TENM2: variants seen among roughly 807,000 people sequenced by gnomAD.
The protein encoded by TENM2 is teneurin-2.
In TENM2, 52 loss-of-function variants were observed where a neutral mutation model predicts 245.2. The observed-to-expected ratio is 0.21, with a 90% CI of 0.17 to 0.27. TENM2 has a LOEUF of 0.27. Among genes scored for constraint, TENM2 ranks in the 10% least tolerant of loss-of-function variants. TENM2 has a pLI of 1.00. For missense variants in TENM2, 3,046 were observed against 3,666.8 expected (o/e 0.83, Z 4.37); for synonymous variants, 1,363 against 1,438.9 (o/e 0.95, Z 1.19).
At chr5:167,663,159 AG>A (rs1488004410) in intron 2 of TENM2, among the ~76,000 whole-genome samples, 1 of 149,302 alleles carries the variant, frequency 6.7e-6, no homozygotes, top group Admixed American at 6.7e-5. Flanking sequence ...AGAGAGAGAG[AG>A]AGAGAGAGAG....
chr5:167,210,038 C>T, the TENM2 span, among the ~76,000 whole-genome samples: 5 of 152,302 alleles, frequency 3.3e-5, no homozygotes, highest in East Asian at 9.7e-4. Flanking sequence ...GTGCTATAAA[C>T]AGGATAGATT....
At chr5:167,710,279 C>T (rs1758821934) in intron 2 of TENM2, among the ~76,000 whole-genome samples, 1 of 152,104 alleles carries the variant, frequency 6.6e-6, no homozygotes, top group African/African-American at 2.4e-5. Context: ...TGAATACATA[C>T]TATTTGACAT....
chr5:167,918,158 C>G (rs1018736234), intron 3 of TENM2, among the ~76,000 whole-genome samples: 1 of 152,134 alleles, frequency 6.6e-6, no homozygotes, highest in Non-Finnish European at 1.5e-5. Context: ...AGCCTTGCAT[C>G]TGTGAGATCA....
intron 2 of TENM2, among the ~76,000 whole-genome samples, chr5:167,476,925 A>T (rs1316153509): frequency 6.6e-6 from 1 of 152,110 alleles, no homozygotes; most frequent in Non-Finnish European, 1.5e-5. Flanking sequence ...AAAGTGACTA[A>T]GTCTCTTGAT....
chr5:167,495,585 GC>G (rs1195513139), intron 2 of TENM2, among the ~76,000 whole-genome samples: 35 of 152,060 alleles, frequency 2.3e-4, no homozygotes, highest in Non-Finnish European at 1.6e-4. Flanking sequence ...TTAAGGAAGT[GC>G]CGAATAATTG....
intron 21 of TENM2, among the ~76,000 whole-genome samples, chr5:168,216,240 T>C (rs1315461497): frequency 6.6e-6 from 1 of 152,170 alleles, no homozygotes; most frequent in Non-Finnish European, 1.5e-5. Flanking sequence ...TAGGCCCCAG[T>C]GTCCCCCTGG....
chr5:168,231,294 G>A (rs976394493), intron 25 of TENM2, among the ~76,000 whole-genome samples: 1 of 152,214 alleles, frequency 6.6e-6, no homozygotes. Flanking sequence ...GATCAGGAAG[G>A]GCTTCACAGA....
At chr5:168,219,168 T>C (rs1023865510) in intron 23 of TENM2, among the ~76,000 whole-genome samples, 169 bp downstream of exon 25, 4 of 152,234 alleles carry the variant, frequency 2.6e-5, no homozygotes, top group African/African-American at 9.6e-5. Flanking sequence ...GACTCTGAAA[T>C]GATTTGCTCT....
chr5:167,686,207 A>G (rs1488330608), intron 2 of TENM2, among the ~76,000 whole-genome samples: 2 of 152,206 alleles, frequency 1.3e-5, no homozygotes, highest in Admixed American at 1.3e-4. Context: ...AGGATAGGCT[A>G]TTTCCTTCCT....
At chr5:167,028,235 A>G in the TENM2 span, among the ~76,000 whole-genome samples, 1 of 152,154 alleles carries the variant, frequency 6.6e-6, no homozygotes, top group African/African-American at 2.4e-5. Context: ...AATATGCTAG[A>G]ATTTATTCTG....
chr5:167,764,539 A>G (rs1161698034), intron 2 of TENM2, among the ~76,000 whole-genome samples: 3 of 152,188 alleles, frequency 2.0e-5, no homozygotes, highest in Non-Finnish European at 4.4e-5. Context: ...GAAGCTAGAG[A>G]GAGTTCCCAC....
intron 8 of TENM2, among the ~76,000 whole-genome samples, chr5:168,095,309 C>T (rs890316381): frequency 1.4e-4 from 22 of 152,138 alleles, no homozygotes; most frequent in African/African-American, 5.1e-4. Context: ...CAACTAATGT[C>T]ACACCCTCCC....
intron 3 of TENM2, among the ~76,000 whole-genome samples, chr5:167,877,275 G>C (rs755932579): frequency 1.1e-4 from 17 of 152,132 alleles, no homozygotes; most frequent in Non-Finnish European, 2.1e-4. Context: ...AATTAGAGAG[G>C]ACCTCCCAAA....
chr5:167,789,161 C>T (rs1360333670), intron 2 of TENM2, among the ~76,000 whole-genome samples: 1 of 152,226 alleles, frequency 6.6e-6, no homozygotes, highest in African/African-American at 2.4e-5. Context: ...GATAATCAGG[C>T]TAGGCCTCGA....
At chr5:168,081,079 G>T (rs1355404270) in intron 7 of TENM2, among the ~76,000 whole-genome samples, 1 of 152,138 alleles carries the variant, frequency 6.6e-6, no homozygotes, top group African/African-American at 2.4e-5. Context: ...TCTCTTTGTA[G>T]GTCCCTAAGC....
intron 2 of TENM2, among the ~76,000 whole-genome samples, chr5:167,839,015 GGTT>G (rs1370156090): frequency 1.3e-5 from 2 of 152,132 alleles, no homozygotes; most frequent in African/African-American, 4.8e-5. Context: ...TAGGGAAATG[GGTT>G]GTTGTGAGAA....
intron 5 of TENM2, among the ~76,000 whole-genome samples, chr5:168,026,060 C>T (rs1268996130): frequency 6.6e-6 from 1 of 151,652 alleles, no homozygotes; most frequent in East Asian, 1.9e-4. Flanking sequence ...GTTGGGAGTG[C>T]TTATATTTCT....
intron 1 of TENM2, among the ~76,000 whole-genome samples, chr5:167,358,541 C>T (rs1759494268): frequency 6.6e-6 from 1 of 151,516 alleles, no homozygotes; most frequent in South Asian, 2.1e-4. Flanking sequence ...TCCTTTACTG[C>T]TTTCTCTTCT....
At chr5:168,184,003 A>C (rs910768822) in intron 13 of TENM2, among the ~76,000 whole-genome samples, 17 of 152,278 alleles carry the variant, frequency 1.1e-4, no homozygotes, top group Non-Finnish European at 1.9e-4. Context: ...CACCTGGGGA[A>C]CCAGGTGACT....
Sources: gnomAD v4.1 joint callset for allele counts (sites outside exome capture counted in the v4.1 genomes callset) on GRCh38, gnomAD v4.1.1 for gene constraint, MANE v1.5 for transcripts, NCBI Gene and HGNC (gene_info 2026-07-23, HGNC 2026-07-21) for gene names.